The following NELL2 variants were observed in gnomAD, a reference collection of about 807,000 sequenced individuals.
NELL2 encodes the protein neural EGFL like 2.
Under a neutral mutation model 109.6 loss-of-function variants are expected in NELL2, and 41 were observed. That is an observed-to-expected ratio of 0.37 (90% CI 0.29 to 0.49). The LOEUF (loss-of-function observed/expected upper bound fraction) is 0.49, where lower values mean the gene tolerates loss of function less well. Ranked by LOEUF, NELL2 falls within the 20% of genes least tolerant of loss-of-function variation. The pLI is 0.98. For missense variants in NELL2, 900 were observed against 1,008.3 expected, an observed-to-expected ratio of 0.89 and a Z score of 1.45; for synonymous variants, 355 against 344.7, an observed-to-expected ratio of 1.03 and a Z score of -0.33.
chr12:44,756,928 C>T (rs749192973), intron 9 of NELL2, among the ~76,000 whole-genome samples: 2 of 152,168 alleles, frequency 1.3e-5, no homozygotes, highest in Non-Finnish European at 1.5e-5. Context: ...CCAGCTCAGA[C>T]CTTTCTTCTA....
At chr12:44,672,540 T>G (rs1016148548) in intron 12 of NELL2, among the ~76,000 whole-genome samples, 2 of 152,212 alleles carry the variant, frequency 1.3e-5, no homozygotes, top group Non-Finnish European at 2.9e-5. Context: ...CTACCATAGA[T>G]GTAGCCTACC....
chr12:44,712,644 G>A (rs1459954192), intron 10 of NELL2, among the ~76,000 whole-genome samples: 3 of 151,878 alleles, frequency 2.0e-5, no homozygotes, highest in East Asian at 3.9e-4. Flanking sequence ...AGAAACTGTG[G>A]AACACCTTAA....
Position 44,897,159 on chromosome 12 carries a change from G to T in NELL2, c.38+16640C>A, listed in dbSNP as rs140945984. On this transcript the variant is annotated intron_variant, in intron 1 of 20. Coordinates refer to the NELL2 transcript ENST00000333837. ...ATGTCAGTAATAATCATCTACTGAGGTTAGTAGAATACCCATCAGGGTTGC... is the reference window on the plus strand; with the variant it reads ...ATGTCAGTAATAATCATCTACTGAGTTTAGTAGAATACCCATCAGGGTTGC... Among the ~76,000 whole-genome samples the T allele has an allele frequency of 7.6e-3, 1,152 of 152,178 alleles. 7 individuals carry two copies. The highest frequency in any genetic ancestry group is 0.021 in the African/African-American group (889 of 41,518).
At chr12:44,896,839 A>G (rs970190428) in intron 1 of NELL2, among the ~76,000 whole-genome samples, 6 of 152,236 alleles carry the variant, frequency 3.9e-5, no homozygotes, top group Admixed American at 3.9e-4. Flanking sequence ...TCAACTTTAG[A>G]TGCACGAGAT....
At chr12:44,707,292 T>C (rs758881746) in intron 11 of NELL2, among the ~76,000 whole-genome samples, 15 of 152,312 alleles carry the variant, frequency 9.8e-5, no homozygotes, top group Admixed American at 2.6e-4. Context: ...CTGGGGGTTT[T>C]ATTCAGTGTA....
chr12:44,740,031 G>A (rs1422763010), intron 9 of NELL2, among the ~76,000 whole-genome samples: 1 of 152,152 alleles, frequency 6.6e-6, no homozygotes, highest in African/African-American at 2.4e-5. Flanking sequence ...TGGCATGCAA[G>A]ACCAAAAATA....
chr12:44,871,679 T>C lies in NELL2; in HGVS notation c.184+3546A>G, dbSNP rs1945166328. Among the ~76,000 whole-genome samples, 3 of 152,184 alleles carry C rather than the reference T, an allele frequency of 2.0e-5. No individual in the cohort carries two copies. In the South Asian group the frequency reaches 6.2e-4, roughly 32 times the overall value. ...GAAGACAAATTAGTGCCACCTCGAT[T>C]TCCTCAATGCAGTTACCTTTGCCTA... On this transcript the variant is annotated intron_variant, in intron 2 of 19. Coordinates refer to ENST00000429094, the MANE Select transcript of NELL2 (RefSeq NM_001145108.2).
At chr12:44,689,068 T>C (rs1334308080) in intron 12 of NELL2, among the ~76,000 whole-genome samples, 1 of 152,184 alleles carries the variant, frequency 6.6e-6, no homozygotes, top group Non-Finnish European at 1.5e-5. Context: ...TGCTAATAAA[T>C]CTGAGGTTGC....
At chr12:44,674,253 G>A (rs1019030649) in intron 12 of NELL2, among the ~76,000 whole-genome samples, 7 of 151,998 alleles carry the variant, frequency 4.6e-5, no homozygotes, top group Non-Finnish European at 8.8e-5. Flanking sequence ...AGCTGATAGC[G>A]AAATTAAAAA....
At chr12:44,696,179 T>C (rs759189144) in intron 12 of NELL2, among the ~76,000 whole-genome samples, 2 of 152,228 alleles carry the variant, frequency 1.3e-5, no homozygotes, top group Admixed American at 6.5e-5. Context: ...AGTGTTTTTA[T>C]TGATATAAAC....
chr12:44,782,595 C>T (rs376811767), intron 3 of NELL2, among the ~76,000 whole-genome samples: 1 of 151,510 alleles, frequency 6.6e-6, no homozygotes, highest in Non-Finnish European at 1.5e-5. Flanking sequence ...GCAGAAATGG[C>T]TATATTAATT....
chr12:44,921,322 C>T (rs143609455), intron 1 of NELL2, among the ~76,000 whole-genome samples: 3 of 152,208 alleles, frequency 2.0e-5, no homozygotes, highest in African/African-American at 4.8e-5. Context: ...CTAAGCTAGG[C>T]TTTACAGAAA....
At chr12:44,592,217 T>C (rs80005930) in intron 15 of NELL2, among the ~76,000 whole-genome samples, 2,344 of 152,302 alleles carry the variant, frequency 0.015, 67 homozygotes, top group African/African-American at 0.054. Flanking sequence ...CTCATAAAGT[T>C]GCTATTATGA....
chr12:44,582,152 A>G (rs1451947640), intron 15 of NELL2, among the ~76,000 whole-genome samples: 2 of 152,224 alleles, frequency 1.3e-5, no homozygotes, highest in South Asian at 2.1e-4. Context: ...GAAAGCAGTT[A>G]AAACTTGATG....
intron 12 of NELL2, among the ~76,000 whole-genome samples, chr12:44,693,920 T>C (rs1468362292): frequency 6.6e-6 from 1 of 152,220 alleles, no homozygotes; most frequent in East Asian, 1.9e-4. Context: ...TATATCATAT[T>C]AATCCTGAAA....
intron 13 of NELL2, among the ~76,000 whole-genome samples, chr12:44,623,272 T>C (rs1305416687): frequency 6.6e-6 from 1 of 152,122 alleles, no homozygotes; most frequent in Non-Finnish European, 1.5e-5. Context: ...TGTGTGTGTA[T>C]GTATATAATT....
chr12:44,711,474 A>G, intron 10 of NELL2, 80 bp from the exon 11 acceptor site: 1 of 1,238,482 alleles, frequency 8.1e-7, no homozygotes, highest in Non-Finnish European at 1.2e-6. Flanking sequence ...GCATCTGAGA[A>G]GACTCTTTTA....
At chr12:44,856,131 A>G (rs537576734) in intron 2 of NELL2, among the ~76,000 whole-genome samples, 3 of 152,350 alleles carry the variant, frequency 2.0e-5, no homozygotes, top group Admixed American at 6.5e-5. Context: ...AAGAAGAAAC[A>G]ATGCAGAGAC....
chr12:44,842,773 CTT>C (rs58233316), intron 2 of NELL2, among the ~76,000 whole-genome samples: 151,748 of 151,772 alleles, frequency 1, 75,862 homozygotes, highest in Middle Eastern at 1. Context: ...AATTCAATGA[CTT>C]TTTTTTTTTC....
Sources: allele counts gnomAD v4.1 joint callset (sites outside exome capture counted in the v4.1 genomes callset), GRCh38; gene constraint gnomAD v4.1.1; transcripts MANE v1.5; gene names NCBI Gene and HGNC (gene_info 2026-07-23, HGNC 2026-07-21).